Variants in KLHL13 observed in about 807,000 individuals in gnomAD.
The protein encoded by KLHL13 is kelch like family member 13.
In KLHL13, 10 loss-of-function variants were observed where a neutral mutation model predicts 37.1. That is an observed-to-expected ratio of 0.27 (90% CI 0.17 to 0.46). KLHL13 has a LOEUF of 0.46. KLHL13 is among the 20% of genes least tolerant of loss of function. The pLI, the probability that KLHL13 is intolerant of heterozygous loss-of-function variation, is 1.00. For missense variants in KLHL13, 360 were observed against 509.3 expected, an observed-to-expected ratio of 0.71 and a Z score of 2.82; for synonymous variants, 163 against 181.2, an observed-to-expected ratio of 0.90 and a Z score of 0.81.
intron 1 of KLHL13, among the ~76,000 whole-genome samples, chrX:118,036,761 A>C (rs1239704018): frequency 9.0e-6 from 1 of 111,283 alleles, no homozygotes; most frequent in Non-Finnish European, 1.9e-5. Flanking sequence ...ATTCAACTAA[A>C]GAACTTCTGC....
chrX:118,034,416 T>A (rs1443345701), intron 1 of KLHL13, among the ~76,000 whole-genome samples: 3 of 93,435 alleles, frequency 3.2e-5, no homozygotes, highest in Non-Finnish European at 6.1e-5. Context: ...GCAATCAAAC[T>A]AGAACTCAGG....
At chrX:118,111,559 A>C (rs1269729674) in intron 1 of KLHL13, among the ~76,000 whole-genome samples, 1 of 112,342 alleles carries the variant, frequency 8.9e-6, no homozygotes, top group Non-Finnish European at 1.9e-5. Context: ...AGAGTTTGAA[A>C]CCAGCCTCGC....
At chrX:117,901,196 C>T (rs941457236) in intron 6 of KLHL13, among the ~76,000 whole-genome samples, 2 of 111,316 alleles carry the variant, frequency 1.8e-5, no homozygotes, top group African/African-American at 6.5e-5. Flanking sequence ...ATTGGAAGCA[C>T]GTTTTATGCA....
chrX:118,085,242 C>T (rs1253807559), intron 1 of KLHL13, among the ~76,000 whole-genome samples: 1 of 110,603 alleles, frequency 9.0e-6, no homozygotes, highest in East Asian at 2.8e-4. Context: ...CTAAGACGAA[C>T]ATTGAAAACG....
intron 1 of KLHL13, among the ~76,000 whole-genome samples, chrX:118,049,114 G>T (rs894564881): frequency 9.0e-6 from 1 of 111,715 alleles, no homozygotes; most frequent in Non-Finnish European, 1.9e-5. Flanking sequence ...AATCAGATTT[G>T]AGATATCCTT....
At chrX:117,929,902 C>T (rs1446418214) in intron 2 of KLHL13, among the ~76,000 whole-genome samples, 1 of 108,705 alleles carries the variant, frequency 9.2e-6, no homozygotes, top group Non-Finnish European at 1.9e-5. Flanking sequence ...GAGGAGGTTG[C>T]AGTGAGCCAA....
intron 1 of KLHL13, among the ~76,000 whole-genome samples, chrX:118,037,986 T>G (rs1202041772): frequency 9.0e-6 from 1 of 111,675 alleles, no homozygotes; most frequent in Non-Finnish European, 1.9e-5. Context: ...TTTAAATAAC[T>G]GGGATGAGGA....
intron 1 of KLHL13, among the ~76,000 whole-genome samples, chrX:117,980,791 G>C (rs2053652266): frequency 9.0e-6 from 1 of 111,084 alleles, no homozygotes; most frequent in Non-Finnish European, 1.9e-5. Flanking sequence ...AAAAATAAAA[G>C]GTTTTGACCA....
At chrX:117,952,169 G>A (rs749437815) in intron 1 of KLHL13, among the ~76,000 whole-genome samples, 60 of 112,013 alleles carry the variant, frequency 5.4e-4, no homozygotes, top group African/African-American at 1.8e-3. Context: ...CAAGACTACA[G>A]TAATCAAAAC....
chrX:117,995,542 AATTCAGTGGC>A (rs2053845530), intron 1 of KLHL13, among the ~76,000 whole-genome samples: 1 of 111,629 alleles, frequency 9.0e-6, no homozygotes, highest in African/African-American at 3.3e-5. Flanking sequence ...TCAAGTAAAC[AATTCAGTGGC>A]ATTCAGTGCA....
intron 1 of KLHL13, among the ~76,000 whole-genome samples, chrX:118,072,672 A>G (rs761009032): frequency 8.9e-6 from 1 of 112,260 alleles, no homozygotes; most frequent in African/African-American, 3.2e-5. Context: ...TGGGCGAAGG[A>G]CATGAACAGA....
chrX:118,039,357 C>A (rs941887367), intron 1 of KLHL13, among the ~76,000 whole-genome samples: 1 of 112,021 alleles, frequency 8.9e-6, no homozygotes, highest in Non-Finnish European at 1.9e-5. Context: ...GAGCCCACTG[C>A]CCTGAAGAGA....
At chrX:118,033,868 T>C (rs1224970420) in intron 1 of KLHL13, among the ~76,000 whole-genome samples, 4,873 of 104,835 alleles carry the variant, frequency 0.046, 355 homozygotes, top group African/African-American at 0.16. Context: ...GAGACACACA[T>C]AGGCTCAAAA....
chrX:117,990,187 C>A (rs778915560), intron 1 of KLHL13, among the ~76,000 whole-genome samples: 3 of 111,594 alleles, frequency 2.7e-5, no homozygotes, highest in African/African-American at 9.8e-5. Context: ...CTAAATGGCT[C>A]CTTTTGATGT....
At chrX:117,969,901 GT>G (rs2053495572) in intron 1 of KLHL13, among the ~76,000 whole-genome samples, 1 of 111,595 alleles carries the variant, frequency 9.0e-6, no homozygotes, top group East Asian at 2.8e-4. Flanking sequence ...TGTCATTCAA[GT>G]TCTAAACAAA....
intron 1 of KLHL13, among the ~76,000 whole-genome samples, chrX:117,995,260 TA>T (rs1398513277): frequency 9.0e-6 from 1 of 111,442 alleles, no homozygotes; most frequent in Non-Finnish European, 1.9e-5. Flanking sequence ...TAATTTCTCA[TA>T]AAAAGAAGAC....
At chrX:117,900,993 C>T (rs1049785329) in intron 6 of KLHL13, among the ~76,000 whole-genome samples, 2 of 111,566 alleles carry the variant, frequency 1.8e-5, no homozygotes, top group African/African-American at 6.5e-5. Flanking sequence ...ACACTGTGAA[C>T]AAACTATAGC....
At chrX:117,963,852 C>A (rs2053355471) in intron 1 of KLHL13, among the ~76,000 whole-genome samples, 1 of 106,489 alleles carries the variant, frequency 9.4e-6, no homozygotes, top group South Asian at 4.4e-4. Context: ...CCATGGAATA[C>A]TATGCAGCCA....
At chrX:117,948,624 T>C (rs1461762840) in intron 1 of KLHL13, among the ~76,000 whole-genome samples, 1 of 111,424 alleles carries the variant, frequency 9.0e-6, no homozygotes, top group Non-Finnish European at 1.9e-5. Context: ...GGAGAGACTA[T>C]ATTAACGAAT....
Sources: allele counts gnomAD v4.1 joint callset (sites outside exome capture counted in the v4.1 genomes callset), GRCh38; gene constraint gnomAD v4.1.1; transcripts MANE v1.5; gene names NCBI Gene and HGNC (gene_info 2026-07-23, HGNC 2026-07-21).